PITPNM3: variants seen among roughly 807,000 people sequenced by gnomAD.
PITPNM3 encodes PITPNM family member 3, also known as membrane-associated phosphatidylinositol transfer protein 3.
Under a neutral mutation model 102.0 loss-of-function variants are expected in PITPNM3, and 26 were observed. The observed-to-expected ratio is 0.25, with a 90% CI of 0.19 to 0.35. The LOEUF (loss-of-function observed/expected upper bound fraction) is 0.35, where lower values mean the gene tolerates loss of function less well. Among genes scored for constraint, PITPNM3 ranks in the 10% least tolerant of loss-of-function variants. The pLI is 1.00. For synonymous variants in PITPNM3, 578 were observed against 558.6 expected (o/e 1.03, Z -0.49); for missense variants, 1,083 against 1,346.1 (o/e 0.80, Z 3.06).
chr17:6,520,777 C>T (rs1470027331), intron 3 of PITPNM3, among the ~76,000 whole-genome samples: 2 of 152,148 alleles, frequency 1.3e-5, no homozygotes, highest in Admixed American at 6.6e-5. Flanking sequence ...TGTGGTATAT[C>T]CATACAAGGG....
At chr17:6,522,315 G>C (rs1045094716) in intron 3 of PITPNM3, among the ~76,000 whole-genome samples, 16 of 144,530 alleles carry the variant, frequency 1.1e-4, no homozygotes, top group East Asian at 6.0e-4. Flanking sequence ...CACACACACA[G>C]AGCAGAATTA....
At chr17:6,514,237 G>A (rs141961317) in intron 3 of PITPNM3, among the ~76,000 whole-genome samples, 2 of 150,812 alleles carry the variant, frequency 1.3e-5, no homozygotes, top group East Asian at 3.9e-4. Flanking sequence ...CAAAAGGACA[G>A]ACAATAAAAG....
chr17:6,551,855 T>C (rs1465358330), intron 1 of PITPNM3, among the ~76,000 whole-genome samples: 2 of 151,944 alleles, frequency 1.3e-5, no homozygotes, highest in African/African-American at 4.8e-5. Flanking sequence ...CCAGGAGAAG[T>C]CTCGCTTTGG....
intron 8 of PITPNM3, 66 bp downstream of exon 8, chr17:6,477,909 C>T (rs1905405829): frequency 6.2e-7 from 1 of 1,600,936 alleles, no homozygotes; most frequent in African/African-American, 1.3e-5. Flanking sequence ...CCAGCACTCT[C>T]TCCCCGAGGG....
intron 1 of PITPNM3, among the ~76,000 whole-genome samples, chr17:6,553,343 G>A (rs926661139): frequency 1.3e-5 from 2 of 152,080 alleles, no homozygotes; most frequent in African/African-American, 2.4e-5. Flanking sequence ...AACCCATCTG[G>A]ATTCACCTTC....
In PITPNM3 at chr17:6,477,180, G is replaced by T. The variant is rs1905354199; in HGVS notation, c.934C>A (p.Leu312Met). Residue 312 changes from leucine (L) to methionine (M), a missense_variant, in exon 9 of 20, where the codon CTG (leucine) becomes ATG (methionine). By Grantham distance (15) the Leu-to-Met change is conservative (BLOSUM62 2). Transcript: ENST00000262483. ...TTGCTGAGACGCTTGCTGCTGGCCAGGCTGCAATCTTCCTCCACCGCGACT... is the reference window on the plus strand; with the variant it reads ...TTGCTGAGACGCTTGCTGCTGGCCATGCTGCAATCTTCCTCCACCGCGACT... ...TPVAVEEDCS[L>M]ASSKRLSKSN... 1 of 1,614,168 alleles carries T rather than the reference G, an allele frequency of 6.2e-7. No homozygotes were observed. Among genetic ancestry groups the T allele is most frequent in the East Asian group, 2.2e-5 (1 of 44,884 alleles).
Position 6,483,749 on chromosome 17 carries a change from C to A in PITPNM3, c.355G>T (p.Gly119Cys). Residue 119 changes from glycine to cysteine, a missense_variant, in exon 6 of 20, where the codon GGC (glycine) becomes TGC (cysteine). This residue lies in a region of PITPNM3 where 290 missense variants were observed against 337.8 expected (regional missense o/e 0.86). Coordinates refer to ENST00000262483, the MANE Select transcript of PITPNM3 (RefSeq NM_031220.4). ...SIEIHEDSEE[G>C]CPQRSCKTHV... is the part of the protein sequence containing the mutation. ...GTCTTGCAGGAGCGCTGCGGGCAGC[C>A]TTCCTGAGAGCCAAGGCGGTTGGAA... is the stretch of plus-strand genomic sequence containing the variant. 5 of 1,611,846 alleles carry A rather than the reference C, an allele frequency of 3.1e-6. No individual in the cohort carries two copies. In the South Asian group the frequency reaches 4.4e-5, roughly 14 times the overall value.
chr17:6,481,900 A>AGAGAGAAG (rs1905721848), intron 6 of PITPNM3: 1 of 106,564 alleles, frequency 9.4e-6, no homozygotes, highest in African/African-American at 3.7e-5. Flanking sequence ...AGAGAGAGAG[A>AGAGAGAAG]ATACATAGAT....
chr17:6,547,577 G>A (rs182117421), intron 1 of PITPNM3, among the ~76,000 whole-genome samples: 268 of 152,190 alleles, frequency 1.8e-3, no homozygotes, highest in Non-Finnish European at 2.7e-3. Flanking sequence ...AGGGCAGCCC[G>A]AAAGACAGGA....
intron 8 of PITPNM3, 150 bp from the exon 9 acceptor site, chr17:6,477,363 G>T: frequency 1.2e-6 from 1 of 846,910 alleles, no homozygotes; most frequent in Non-Finnish European, 1.9e-6. Flanking sequence ...AAGCCACATT[G>T]CAATCATGGT....
intron 3 of PITPNM3, among the ~76,000 whole-genome samples, chr17:6,512,976 C>T (rs963238395): frequency 7.3e-5 from 11 of 150,970 alleles, no homozygotes; most frequent in Middle Eastern, 6.9e-3. Context: ...CCCAGGAATG[C>T]AAAGTTATTC....
chr17:6,508,050 C>CTGGGAATGCTGGGGTTGT lies in PITPNM3; in HGVS notation c.227-4477_227-4476insACAACCCCAGCATTCCCA, dbSNP rs1567681060. On this transcript the variant is annotated intron_variant, in intron 3 of 19. Transcript: ENST00000262483. ...GGGGTTGCTGGGAATGCTGGGGTTG[C>CTGGGAATGCTGGGGTTGT]TGGGGTTGCTGGGGATGCAGCTGGG... Among the ~76,000 whole-genome samples the CTGGGAATGCTGGGGTTGT allele has an allele frequency of 5.3e-4, 80 of 150,342 alleles. 20 individuals carry two copies. Among genetic ancestry groups the CTGGGAATGCTGGGGTTGT allele is most frequent in the African/African-American group, 1.8e-3 (74 of 40,514 alleles).
At chr17:6,552,317 C>T (rs1299775833) in intron 1 of PITPNM3, among the ~76,000 whole-genome samples, 1 of 152,156 alleles carries the variant, frequency 6.6e-6, no homozygotes, top group Non-Finnish European at 1.5e-5. Context: ...GGCCCCCACC[C>T]CCTACCCTCA....
At chr17:6,551,473 G>A (rs910063959) in intron 1 of PITPNM3, among the ~76,000 whole-genome samples, 2 of 152,174 alleles carry the variant, frequency 1.3e-5, no homozygotes, top group African/African-American at 2.4e-5. Context: ...TCTCCTTGCA[G>A]GATGCAATGC....
Position 6,470,517 on chromosome 17 carries a change from A to AT in PITPNM3, c.1625-110_1625-109insA. On this transcript the variant is annotated intron_variant, in intron 12 of 19. Coordinates refer to ENST00000262483, the MANE Select transcript of PITPNM3 (RefSeq NM_031220.4). The surrounding 1 kb of genome is among the most constrained non-coding windows in gnomAD (Gnocchi z 4.8). ...TGGTGGTGGATGCCCCACGTGGGGC[A>AT]CGGGTTTGGGCGGGAGCACCCTGGC... 6.7e-7 allele frequency: 1 copy of AT among 1,491,998 alleles called. No homozygotes were observed. Among genetic ancestry groups the AT allele is most frequent in the Non-Finnish European group, 9.3e-7 (1 of 1,079,470 alleles). The allele number at this position is 1,491,998 out of a possible 1,614,324, so 92.4% of individuals were successfully genotyped here. A position where few individuals can be genotyped will look rare whatever the true frequency, so the allele number is the denominator to read the frequency against.
intron 1 of PITPNM3, among the ~76,000 whole-genome samples, chr17:6,553,407 G>T (rs139345757): frequency 3.0e-4 from 45 of 152,198 alleles, no homozygotes; most frequent in Non-Finnish European, 5.9e-4. Context: ...CTTGTACCTG[G>T]ATTCTCCTGG....
At chr17:6,463,706 T>C (rs376392347) in intron 17 of PITPNM3, 26 bp downstream of exon 17, 125 of 1,608,586 alleles carry the variant, frequency 7.8e-5, no homozygotes, top group Non-Finnish European at 9.2e-5. Flanking sequence ...CAGGGAGATA[T>C]AGCCCTCGTG....
chr17:6,528,344 T>C (rs944922003), intron 2 of PITPNM3, among the ~76,000 whole-genome samples: 1 of 152,096 alleles, frequency 6.6e-6, no homozygotes, highest in Admixed American at 6.5e-5. Context: ...CTCTATGGAT[T>C]TCTCTTTTGT....
chr17:6,511,189 G>A (rs759872724), intron 3 of PITPNM3, among the ~76,000 whole-genome samples: 3 of 152,282 alleles, frequency 2.0e-5, no homozygotes, highest in Non-Finnish European at 4.4e-5. Flanking sequence ...GATGGCCTTC[G>A]GTGCCAGGTT....
Sources: gnomAD v4.1 joint callset for allele counts (sites outside exome capture counted in the v4.1 genomes callset) on GRCh38, gnomAD v4.1.1 for gene constraint, gnomAD v4.1.1 regional missense constraint, Gnocchi (gnomAD v3.1) non-coding constraint, MANE v1.5 for transcripts, NCBI Gene and HGNC (gene_info 2026-07-23, HGNC 2026-07-21) for gene names.